SLC37A3: variants seen among roughly 807,000 people sequenced by gnomAD.
The protein encoded by SLC37A3 is sugar phosphate exchanger 3.
Under a neutral mutation model 67.1 loss-of-function variants are expected in SLC37A3, and 51 were observed. The ratio of observed to expected loss-of-function variants is 0.76; its 90% CI spans 0.61 to 0.96. The LOEUF is 0.96. Ranked by LOEUF, SLC37A3 falls within the 40% of genes least tolerant of loss-of-function variation. The probability of loss-of-function intolerance (pLI) is 0.00; values close to 1 mark genes in which losing one functional copy is unlikely to be tolerated. For missense variants in SLC37A3, 508 were observed against 603.0 expected, an observed-to-expected ratio of 0.84 and a Z score of 1.65; for synonymous variants, 214 against 231.4, an observed-to-expected ratio of 0.92 and a Z score of 0.68.
At chr7:140,353,417 C>T (rs562724417) in intron 7 of SLC37A3, among the ~76,000 whole-genome samples, 3 of 151,122 alleles carry the variant, frequency 2.0e-5, no homozygotes, top group Non-Finnish European at 3.0e-5. Context: ...CAGGAGGTTG[C>T]GGTGAGCTGA....
In SLC37A3 at chr7:140,355,688, C is replaced by A. The variant is rs1796996405; in HGVS notation, c.598G>T (p.Val200Phe). ...CCTACCTCATAACCATACTGAAGAA[C>A]AGAAGAAGCTAGGCACGCTCCCAAA... is the stretch of plus-strand genomic sequence containing the variant. ...NILGACLASS[V>F]LQYGYEYAFL... The change falls in exon 7 of 15, where the codon GTT becomes TTT. Residue 200 changes from valine (V) to phenylalanine (F), a missense_variant. Transcript: ENST00000326232. 1 of 1,613,854 alleles carries A rather than the reference C, an allele frequency of 6.2e-7. No individual in the cohort carries two copies. Among genetic ancestry groups the A allele is most frequent in the Non-Finnish European group, 8.5e-7 (1 of 1,179,902 alleles).
At chr7:140,381,599 T>C (rs1406574672) in intron 2 of SLC37A3, among the ~76,000 whole-genome samples, 2 of 151,996 alleles carry the variant, frequency 1.3e-5, no homozygotes, top group East Asian at 3.9e-4. Context: ...TCAGCAGAAA[T>C]GTCAAAAAAA....
chr7:140,355,877 T>A, intron 6 of SLC37A3, 113 bp from the exon 7 acceptor site: 1 of 846,942 alleles, frequency 1.2e-6, no homozygotes, highest in Non-Finnish European at 1.9e-6. Flanking sequence ...AGACTAAACA[T>A]GCTATTTAAA....
intron 13 of SLC37A3, among the ~76,000 whole-genome samples, chr7:140,342,176 A>G (rs1796385237): frequency 6.6e-6 from 1 of 152,216 alleles, no homozygotes; most frequent in African/African-American, 2.4e-5. Context: ...GACTATTAAA[A>G]TACGGCTAGG....
chr7:140,342,670 A>G (rs570070622), intron 13 of SLC37A3, among the ~76,000 whole-genome samples: 8 of 106,426 alleles, frequency 7.5e-5, no homozygotes, highest in Middle Eastern at 4.7e-3. Flanking sequence ...AGAAAGTTGA[A>G]TTTATGCAAA....
chr7:140,376,434 G>C (rs1798034241), intron 3 of SLC37A3, among the ~76,000 whole-genome samples: 1 of 152,208 alleles, frequency 6.6e-6, no homozygotes, highest in Non-Finnish European at 1.5e-5. Flanking sequence ...CCTGGTCTGA[G>C]CGTACGTTTG....
intron 9 of SLC37A3, among the ~76,000 whole-genome samples, chr7:140,350,218 G>A (rs12703771): frequency 0.41 from 62,369 of 151,950 alleles, 13,103 homozygotes; most frequent in Non-Finnish European, 0.46. Flanking sequence ...CCATGGGAAG[G>A]GGAACTGAGA....
At position 140,334,745 on chromosome 7, in the gene SLC37A3, G is replaced by C. The variant is rs1272093961; in HGVS notation, c.*667C>G. 6.3e-6 allele frequency: 1 copy of C among 159,042 alleles called. No homozygotes were observed. Among genetic ancestry groups the C allele is most frequent in the African/African-American group, 2.4e-5 (1 of 41,490 alleles). The allele number at this position is 159,042 out of a possible 1,614,324, so 9.9% of individuals were successfully genotyped here. A position where few individuals can be genotyped will look rare whatever the true frequency, so the allele number is the denominator to read the frequency against. ...AAAGTTAATTTGAATGAAAATGGAA[G>C]AGAACAAGTTGACAATAATTTGAAG... On this transcript the variant is annotated 3_prime_UTR_variant, in exon 15 of 15. Coordinates refer to ENST00000326232, the MANE Select transcript of SLC37A3 (RefSeq NM_207113.3).
chr7:140,367,114 G>A (rs1239633010), intron 4 of SLC37A3, among the ~76,000 whole-genome samples: 2 of 151,610 alleles, frequency 1.3e-5, no homozygotes, highest in Non-Finnish European at 2.9e-5. Flanking sequence ...CTCCAGCCTG[G>A]GCAACACAGC....
chr7:140,381,981 T>C (rs1341901394), intron 2 of SLC37A3, among the ~76,000 whole-genome samples: 1 of 131,580 alleles, frequency 7.6e-6, no homozygotes, highest in Non-Finnish European at 1.5e-5. Context: ...GCCACTGCAC[T>C]CCAGCCTGGG....
At chr7:140,338,428 T>G (rs1796228106) in intron 13 of SLC37A3, among the ~76,000 whole-genome samples, 1 of 152,212 alleles carries the variant, frequency 6.6e-6, no homozygotes, top group East Asian at 1.9e-4. Context: ...ATGTCTGGCT[T>G]GTTTAACTTA....
At chr7:140,387,777 A>G (rs1418894234) in intron 1 of SLC37A3, among the ~76,000 whole-genome samples, 1 of 59,808 alleles carries the variant, frequency 1.7e-5, no homozygotes, top group Non-Finnish European at 2.9e-5. Context: ...TATATTATAC[A>G]TAAATATAAA....
At chr7:140,396,883 TTTTTTTTTTTG>T (rs926397219) in intron 1 of SLC37A3, among the ~76,000 whole-genome samples, 1 of 62,662 alleles carries the variant, frequency 1.6e-5, no homozygotes, top group African/African-American at 5.9e-5. Flanking sequence ...TCAATTTCTG[TTTTTTTTTTTG>T]TTTTTTTTTT....
At chr7:140,386,358 C>G (rs529205417) in intron 1 of SLC37A3, among the ~76,000 whole-genome samples, 1 of 152,166 alleles carries the variant, frequency 6.6e-6, no homozygotes. Flanking sequence ...GCGTGAGCCA[C>G]CTCGCCCAGG....
intron 1 of SLC37A3, 79 bp downstream of exon 1, chr7:140,398,337 C>A (rs1799023746): frequency 1.3e-5 from 2 of 152,322 alleles, no homozygotes; most frequent in Admixed American, 6.5e-5. Context: ...CCACCGCCCT[C>A]CCGACCCGGG....
intron 2 of SLC37A3, among the ~76,000 whole-genome samples, chr7:140,381,457 C>T (rs557030236): frequency 1.1e-4 from 16 of 151,768 alleles, no homozygotes; most frequent in South Asian, 4.2e-4. Flanking sequence ...CCCGGGAGTT[C>T]GAGGCTGCAG....
chr7:140,348,190 C>CTGGGGAAGG lies in SLC37A3; in HGVS notation c.1024+427_1024+435dup, dbSNP rs1241575934. Reference sequence around the variant, plus strand: ...GACTGGTGTATTCTTCCTTATTAGGCTGGGGAAGGTGGGGAAGGTGGGAGG... The same window carrying CTGGGGAAGG: ...GACTGGTGTATTCTTCCTTATTAGGCTGGGGAAGGTGGGGAAGGTGGGGAAGGTGGGAGG... On this transcript the variant is annotated intron_variant, in intron 10 of 14. Transcript: ENST00000326232. Among the ~76,000 whole-genome samples the CTGGGGAAGG allele has an allele frequency of 5.9e-5, 9 of 152,200 alleles. No individual in the cohort carries two copies. In the East Asian group the frequency reaches 1.3e-3, roughly 23 times the overall value.
intron 14 of SLC37A3, among the ~76,000 whole-genome samples, chr7:140,336,516 A>G (rs1796135808): frequency 6.6e-6 from 1 of 152,256 alleles, no homozygotes; most frequent in African/African-American, 2.4e-5. Context: ...TGTCTAGGGC[A>G]TCATAAATAT....
In SLC37A3 at chr7:140,380,379, A is replaced by G; in HGVS notation, c.101T>C (p.Leu34Pro). 1 of 1,611,250 alleles carries G rather than the reference A, an allele frequency of 6.2e-7. No individual in the cohort carries two copies. The highest frequency in any genetic ancestry group is 8.5e-7 in the Non-Finnish European group (1 of 1,177,866). Residue 34 changes from leucine to proline, a missense_variant, in exon 3 of 15, where the codon CTC becomes CCC. Leu to Pro is a moderately conservative substitution (Grantham distance 98, BLOSUM62 -3). Coordinates refer to ENST00000326232, the MANE Select transcript of SLC37A3 (RefSeq NM_207113.3). Reference sequence around the variant, plus strand: ...GCTAAATGTTTTTCGTGAAGCATGGAGCAACGAATAACTACAAAATAGAGA... The same window carrying G: ...GCTAAATGTTTTTCGTGAAGCATGGGGCAACGAATAACTACAAAATAGAGA... ...FLLTFFSYSL[L>P]HASRKTFSNV...
Sources: gnomAD v4.1 joint callset for allele counts (sites outside exome capture counted in the v4.1 genomes callset) on GRCh38, gnomAD v4.1.1 for gene constraint, MANE v1.5 for transcripts, NCBI Gene and HGNC (gene_info 2026-07-23, HGNC 2026-07-21) for gene names.